The following RBFOX1 variants were observed in gnomAD, a reference collection of about 807,000 sequenced individuals.
RBFOX1 encodes RNA binding fox-1 homolog 1, also known as RNA binding protein fox-1 homolog 1.
In RBFOX1, 8 loss-of-function variants were observed where a neutral mutation model predicts 57.7. The observed-to-expected ratio is 0.14, with a 90% CI of 0.08 to 0.25. RBFOX1 has a LOEUF of 0.25. Ranked by LOEUF, RBFOX1 falls within the 10% of genes least tolerant of loss-of-function variation. The probability of loss-of-function intolerance (pLI) is 1.00; values close to 1 mark genes in which losing one functional copy is unlikely to be tolerated. For synonymous variants in RBFOX1, 326 were observed against 222.4 expected (o/e 1.47, Z -4.15); for missense variants, 611 against 548.5 (o/e 1.11, Z -1.14).
At chr16:7,126,801 ATT>A (rs2068673730) in intron 4 of RBFOX1, among the ~76,000 whole-genome samples, 1 of 151,674 alleles carries the variant, frequency 6.6e-6, no homozygotes, top group Non-Finnish European at 1.5e-5. Context: ...TCAGCCAAAG[ATT>A]TTCTTTTAGC....
At chr16:5,795,404 A>C (rs1396097034) in intron 3 of RBFOX1, among the ~76,000 whole-genome samples, 3 of 151,990 alleles carry the variant, frequency 2.0e-5, no homozygotes, top group Non-Finnish European at 2.9e-5. Flanking sequence ...TCTGGGCTCA[A>C]GTGATCCTCC....
intron 1 of RBFOX1, among the ~76,000 whole-genome samples, chr16:5,243,438 G>A (rs2062218702): frequency 6.6e-6 from 1 of 152,146 alleles, no homozygotes; most frequent in African/African-American, 2.4e-5. Flanking sequence ...TCTTGCTGAG[G>A]AGAAACCTGG....
chr16:6,663,264 C>G (rs1181635875), intron 3 of RBFOX1, among the ~76,000 whole-genome samples: 3 of 152,142 alleles, frequency 2.0e-5, no homozygotes, highest in Non-Finnish European at 4.4e-5. Flanking sequence ...AGGAACTTGT[C>G]ACAGACGGCT....
chr16:6,807,379 G>A (rs1005231373), intron 3 of RBFOX1, among the ~76,000 whole-genome samples: 5 of 152,108 alleles, frequency 3.3e-5, no homozygotes, highest in African/African-American at 7.2e-5. Flanking sequence ...AGTCCAAGTT[G>A]ATTTCTGCAT....
chr16:6,798,397 G>A (rs1327262259), intron 3 of RBFOX1, among the ~76,000 whole-genome samples: 2 of 152,174 alleles, frequency 1.3e-5, no homozygotes, highest in African/African-American at 2.4e-5. Context: ...AAGAAGTAGA[G>A]GCTATCACCA....
At chr16:5,605,170 G>A (rs1475533519) in intron 3 of RBFOX1, among the ~76,000 whole-genome samples, 2 of 152,190 alleles carry the variant, frequency 1.3e-5, no homozygotes, top group Non-Finnish European at 2.9e-5. Context: ...TACCCTCCAA[G>A]GTGCAGCAGA....
At chr16:6,988,664 A>G (rs957315224) in intron 3 of RBFOX1, among the ~76,000 whole-genome samples, 1 of 150,978 alleles carries the variant, frequency 6.6e-6, no homozygotes, top group African/African-American at 2.4e-5. Context: ...CCTCTGCCTC[A>G]GCCTCAGCCT....
At chr16:6,532,257 G>A (rs766495848) in intron 2 of RBFOX1, among the ~76,000 whole-genome samples, 4 of 152,148 alleles carry the variant, frequency 2.6e-5, no homozygotes, top group African/African-American at 9.7e-5. Context: ...GCATAAAATG[G>A]GGGAGCTGTA....
At chr16:6,440,137 A>G (rs547161070) in intron 2 of RBFOX1, among the ~76,000 whole-genome samples, 9 of 151,818 alleles carry the variant, frequency 5.9e-5, no homozygotes, top group African/African-American at 9.7e-5. Flanking sequence ...GGGCTTCACC[A>G]TGTTGGCCAG....
chr16:7,191,558 T>G (rs1260284758), intron 4 of RBFOX1, among the ~76,000 whole-genome samples: 1 of 152,220 alleles, frequency 6.6e-6, no homozygotes, highest in Non-Finnish European at 1.5e-5. Context: ...AAGCTGTTAT[T>G]TTACATATCA....
At chr16:5,963,193 T>G (rs1286451699) in intron 4 of RBFOX1, among the ~76,000 whole-genome samples, 1 of 152,218 alleles carries the variant, frequency 6.6e-6, no homozygotes, top group Non-Finnish European at 1.5e-5. Flanking sequence ...ATAGGTTAGG[T>G]AATGCTGCTG....
In RBFOX1 at chr16:7,227,388, C is replaced by T. The variant is rs190164857; in HGVS notation, c.27+175290C>T. Among the ~76,000 whole-genome samples, 420 of 150,854 alleles carry T rather than the reference C, an allele frequency of 2.8e-3. 1 individual carries two copies. The highest frequency in any genetic ancestry group is 4.1e-3 in the Non-Finnish European group (280 of 67,768). ...TTAGCTCACTGCATAATCCTCCTCT[C>T]GTAACCTTCAACTCCACAATGCAGG... On this transcript the variant is annotated intron_variant, in intron 4 of 15. Coordinates refer to ENST00000550418, the MANE Select transcript of RBFOX1 (RefSeq NM_018723.4).
intron 4 of RBFOX1, among the ~76,000 whole-genome samples, chr16:7,474,369 A>G (rs73500358): frequency 0.021 from 3,197 of 152,098 alleles, 98 homozygotes; most frequent in African/African-American, 0.073. Context: ...GCCTCTTCTC[A>G]CCTTTTTGTG....
intron 4 of RBFOX1, among the ~76,000 whole-genome samples, chr16:7,484,608 G>A (rs780789285): frequency 1.3e-4 from 20 of 152,054 alleles, no homozygotes; most frequent in African/African-American, 2.2e-4. Context: ...GACTACAGGC[G>A]CCCACTACCA....
chr16:7,130,617 G>A (rs377384522), intron 4 of RBFOX1, among the ~76,000 whole-genome samples: 3 of 152,162 alleles, frequency 2.0e-5, no homozygotes, highest in South Asian at 2.1e-4. Context: ...AGGGTCTGCA[G>A]TGGTGATGTA....
intron 3 of RBFOX1, among the ~76,000 whole-genome samples, chr16:6,726,791 C>G (rs1242646449): frequency 2.6e-5 from 4 of 152,066 alleles, no homozygotes; most frequent in Admixed American, 6.6e-5. Flanking sequence ...GCTATGTTCC[C>G]TACCAGGGTA....
At chr16:6,665,557 G>A (rs1203062448) in intron 3 of RBFOX1, among the ~76,000 whole-genome samples, 1 of 151,602 alleles carries the variant, frequency 6.6e-6, no homozygotes, top group African/African-American at 2.4e-5. Flanking sequence ...CCTGGGAGGC[G>A]GTGATTGCAG....
chr16:5,379,285 A>C (rs1317725905), intron 1 of RBFOX1, among the ~76,000 whole-genome samples: 1 of 151,526 alleles, frequency 6.6e-6, no homozygotes, highest in Non-Finnish European at 1.5e-5. Flanking sequence ...TAAAATATGA[A>C]AGCAGTTTTT....
chr16:6,733,817 C>T (rs566222354), intron 3 of RBFOX1, among the ~76,000 whole-genome samples: 1 of 152,204 alleles, frequency 6.6e-6, no homozygotes, highest in Non-Finnish European at 1.5e-5. Context: ...ATCTCTGTGA[C>T]TTGCTGCTGG....
Sources: allele counts gnomAD v4.1 joint callset (sites outside exome capture counted in the v4.1 genomes callset), GRCh38; gene constraint gnomAD v4.1.1; transcripts MANE v1.5; gene names NCBI Gene and HGNC (gene_info 2026-07-23, HGNC 2026-07-21).